The following HERC3 variants were observed in gnomAD, a reference collection of about 807,000 sequenced individuals.
The protein encoded by HERC3 is probable E3 ubiquitin-protein ligase HERC3.
A neutral mutation model predicts 129.9 loss-of-function variants in HERC3; 58 were observed. That is an observed-to-expected ratio of 0.45 (90% CI 0.36 to 0.56). The LOEUF (loss-of-function observed/expected upper bound fraction) is 0.56, where lower values mean the gene tolerates loss of function less well. HERC3 is among the 20% of genes least tolerant of loss of function. The pLI is 0.00. For missense variants in HERC3, 835 were observed against 1,244.2 expected, an observed-to-expected ratio of 0.67 and a Z score of 4.95; for synonymous variants, 430 against 451.0, an observed-to-expected ratio of 0.95 and a Z score of 0.59.
At chr4:88,690,373 T>A (rs1733951431) in intron 23 of HERC3, 1 of 985,334 alleles carries the variant, frequency 1.0e-6, no homozygotes, top group East Asian at 1.1e-4. Flanking sequence ...TGGGGATTGC[T>A]TTATAACATT....
At chr4:88,556,810 ATT>A in the HERC3 span, among the ~76,000 whole-genome samples, 39 of 145,492 alleles carry the variant, frequency 2.7e-4, no homozygotes, top group African/African-American at 6.2e-4. Context: ...AGCCCTTTCT[ATT>A]TTTTTTTTTT....
At chr4:88,700,917 G>C (rs1560784031) in intron 23 of HERC3, among the ~76,000 whole-genome samples, 1 of 152,056 alleles carries the variant, frequency 6.6e-6, no homozygotes, top group Non-Finnish European at 1.5e-5. Context: ...GATTGGATAT[G>C]GCCTACCCAC....
At chr4:88,607,225 A>G (rs1460494604) in intron 3 of HERC3, among the ~76,000 whole-genome samples, 1 of 151,598 alleles carries the variant, frequency 6.6e-6, no homozygotes, top group East Asian at 1.9e-4. Context: ...GTATGAATGA[A>G]TGTGGCAGCA....
Position 88,638,686 on chromosome 4 carries a change from A to G in HERC3, c.227-11154A>G, listed in dbSNP as rs983988213. On this transcript the variant is annotated intron_variant, in intron 3 of 25. Transcript: ENST00000402738. ...TTCCCTTTGAAAACTGGCACAAGAC[A>G]AGGATGCCATCTTTCACCACTCCTA... Among the ~76,000 whole-genome samples, 6 of 151,882 alleles carry G rather than the reference A, an allele frequency of 4.0e-5. No individual in the cohort carries two copies. In the East Asian group the frequency reaches 1.2e-3, roughly 29 times the overall value.
At chr4:88,539,762 C>T in the HERC3 span, among the ~76,000 whole-genome samples, 5 of 152,208 alleles carry the variant, frequency 3.3e-5, no homozygotes, top group African/African-American at 4.8e-5. Flanking sequence ...ATTTCCTGTT[C>T]TGCAGCTTCC....
intron 3 of HERC3, among the ~76,000 whole-genome samples, chr4:88,643,032 A>G (rs920811229): frequency 5.3e-5 from 8 of 152,202 alleles, no homozygotes; most frequent in African/African-American, 1.9e-4. Context: ...AAATTAAAAA[A>G]CTATTAGTTA....
intron 3 of HERC3, among the ~76,000 whole-genome samples, chr4:88,614,023 G>A (rs1342604557): frequency 6.6e-6 from 1 of 152,084 alleles, no homozygotes; most frequent in Non-Finnish European, 1.5e-5. Context: ...TAGAAAATGT[G>A]TACTTATTAA....
At chr4:88,542,430 T>G in the HERC3 span, among the ~76,000 whole-genome samples, 1 of 152,188 alleles carries the variant, frequency 6.6e-6, no homozygotes, top group African/African-American at 2.4e-5. Flanking sequence ...TAACAGGTTC[T>G]GAAATTGAGG....
chr4:88,669,609 A>C (rs1489083448), intron 14 of HERC3, among the ~76,000 whole-genome samples: 1 of 152,138 alleles, frequency 6.6e-6, no homozygotes, highest in African/African-American at 2.4e-5. Flanking sequence ...TTGGACTTTT[A>C]AGTTAACCTT....
intron 3 of HERC3, among the ~76,000 whole-genome samples, chr4:88,614,837 C>A (rs958432406): frequency 6.6e-6 from 1 of 152,120 alleles, no homozygotes; most frequent in East Asian, 1.9e-4. Flanking sequence ...CAGATCCCAC[C>A]CTTTGGGCAT....
the HERC3 span, among the ~76,000 whole-genome samples, chr4:88,548,529 C>T: frequency 3.9e-5 from 6 of 152,044 alleles, no homozygotes; most frequent in African/African-American, 1.4e-4. Context: ...AGATCCTTTG[C>T]ACGTTTTTCA....
chr4:88,630,504 T>C (rs1726625893), intron 3 of HERC3, among the ~76,000 whole-genome samples: 1 of 152,198 alleles, frequency 6.6e-6, no homozygotes, highest in Non-Finnish European at 1.5e-5. Context: ...GAGCTTACAC[T>C]CTAGTTCTTG....
Position 88,676,335 on chromosome 4 carries a change from A to T in HERC3, c.1937A>T (p.Asp646Val), listed in dbSNP as rs374474468. ...GMKARPSIIQ[D>V]TVTLCSYPFI... Reference sequence around the variant, plus strand: ...TGTCAATAATGTGCTTTATTCTAGGATACTGTAACACTTTGTTCCTACCCT... The same window carrying T: ...TGTCAATAATGTGCTTTATTCTAGGTTACTGTAACACTTTGTTCCTACCCT... Residue 646 changes from aspartate to valine, a missense_variant and splice_region_variant, in exon 18 of 26, where the codon GAT becomes GTT. Asp to Val is a radical substitution (Grantham distance 152). Transcript: ENST00000402738. 28 of 1,609,266 alleles carry T rather than the reference A, an allele frequency of 1.7e-5. No individual in the cohort carries two copies. Among genetic ancestry groups the T allele is most frequent in the Non-Finnish European group, 2.3e-5 (27 of 1,175,840 alleles).
chr4:88,528,471 C>G, the HERC3 span, among the ~76,000 whole-genome samples: 2 of 152,124 alleles, frequency 1.3e-5, no homozygotes. Context: ...ACTAATGGCT[C>G]AAGATCAAAG....
At chr4:88,566,275 A>T in the HERC3 span, among the ~76,000 whole-genome samples, 1 of 152,102 alleles carries the variant, frequency 6.6e-6, no homozygotes, top group Admixed American at 6.6e-5. Flanking sequence ...ATTTGGGATT[A>T]CTACAAGGCT....
chr4:88,553,734 T>C, the HERC3 span, among the ~76,000 whole-genome samples: 3 of 152,122 alleles, frequency 2.0e-5, no homozygotes, highest in African/African-American at 7.2e-5. Context: ...GACAGGGTTT[T>C]ACCATGTTGG....
At chr4:88,611,015 G>A (rs571562475) in intron 3 of HERC3, among the ~76,000 whole-genome samples, 26 of 152,346 alleles carry the variant, frequency 1.7e-4, no homozygotes, top group Non-Finnish European at 2.6e-4. Context: ...AGCTAGAGGT[G>A]TGCCAAGAAG....
intron 2 of HERC3, among the ~76,000 whole-genome samples, chr4:88,602,341 G>T (rs573158357): frequency 6.1e-5 from 9 of 146,740 alleles, no homozygotes; most frequent in African/African-American, 2.0e-4. Flanking sequence ...GGCGTAGGTT[G>T]CAGTGAGCTG....
Position 88,707,139 on chromosome 4 carries a change from A to G in HERC3, c.*179A>G. ...ATAGCAGTAAACAACCTTTTTGAAA[A>G]ATTAGAGGTTGGGGATGGGGTGAAA... On this transcript the variant is annotated 3_prime_UTR_variant, in exon 26 of 26. Transcript: ENST00000402738. 1 of 610,770 alleles carries G rather than the reference A, an allele frequency of 1.6e-6. No individual in the cohort carries two copies. The highest frequency in any genetic ancestry group is 2.1e-5 in the South Asian group (1 of 47,000). 37.8% of individuals were successfully genotyped at this position (610,770 alleles called of 1,614,324 possible). A position where few individuals can be genotyped will look rare whatever the true frequency, so the allele number is the denominator to read the frequency against.
Sources: gnomAD v4.1 joint callset for allele counts (sites outside exome capture counted in the v4.1 genomes callset) on GRCh38, gnomAD v4.1.1 for gene constraint, MANE v1.5 for transcripts, NCBI Gene and HGNC (gene_info 2026-07-23, HGNC 2026-07-21) for gene names.